The following GREB1L variants were observed in gnomAD, a reference collection of about 807,000 sequenced individuals.
GREB1L encodes GREB1 like retinoic acid receptor coactivator.
GREB1L carries 17 observed loss-of-function variants against 200.8 expected under a neutral mutation model. That is an observed-to-expected ratio of 0.08 (90% confidence interval 0.06 to 0.13). GREB1L has a LOEUF of 0.13. Ranked by LOEUF, GREB1L falls within the 10% of genes least tolerant of loss-of-function variation. The pLI, the probability that GREB1L is intolerant of heterozygous loss-of-function variation, is 1.00. For missense variants in GREB1L, 1,657 were observed against 2,367.7 expected (o/e 0.70, Z 6.23); for synonymous variants, 789 against 893.0 (o/e 0.88, Z 2.08).
At position 21,506,023 on chromosome 18, in the gene GREB1L, A is replaced by G. The variant is rs910408072; in HGVS notation, c.4368+74A>G. On this transcript the variant is annotated intron_variant, in intron 25 of 32. Transcript: ENST00000424526. ...GTATGTAAGGGTGGGGGGTGGAGGGATGAAAAATAAGGCCCCTAGTTTCAG... is the reference window on the plus strand; with the variant it reads ...GTATGTAAGGGTGGGGGGTGGAGGGGTGAAAAATAAGGCCCCTAGTTTCAG... 7.1e-6 allele frequency: 10 copies of G among 1,418,218 alleles called. No individual in the cohort carries two copies. The African/African-American group carries it at 1.4e-4, about 20-fold the overall frequency. The allele number at this position is 1,418,218 out of a possible 1,614,324, so 87.9% of individuals were successfully genotyped here. A position where few individuals can be genotyped will look rare whatever the true frequency, so the allele number is the denominator to read the frequency against.
At chr18:21,329,694 A>T (rs2039078191) in intron 1 of GREB1L, among the ~76,000 whole-genome samples, 1 of 152,062 alleles carries the variant, frequency 6.6e-6, no homozygotes, top group South Asian at 2.1e-4. Context: ...ATGCCTTATG[A>T]TGCAAAATAG....
At chr18:21,463,387 C>T (rs1207625735) in intron 15 of GREB1L, among the ~76,000 whole-genome samples, 4 of 151,864 alleles carry the variant, frequency 2.6e-5, no homozygotes, top group Admixed American at 6.6e-5. Flanking sequence ...CCTCATGATC[C>T]GCCCTCCTCG....
intron 15 of GREB1L, among the ~76,000 whole-genome samples, chr18:21,462,423 A>C (rs1048742316): frequency 1.3e-5 from 2 of 152,180 alleles, no homozygotes; most frequent in African/African-American, 4.8e-5. Flanking sequence ...AGCTAATGAA[A>C]AAGTTTATTT....
At chr18:21,243,588 G>C (rs1254252294) in intron 1 of GREB1L, among the ~76,000 whole-genome samples, 1 of 152,164 alleles carries the variant, frequency 6.6e-6, no homozygotes, top group African/African-American at 2.4e-5. Context: ...AAAGGTTTTT[G>C]AACTCAGTCC....
chr18:21,334,767 C>A (rs1403967891), intron 1 of GREB1L, among the ~76,000 whole-genome samples: 3 of 139,008 alleles, frequency 2.2e-5, no homozygotes, highest in Non-Finnish European at 3.0e-5. Context: ...AGTATGACCC[C>A]ATCTCAAAAA....
intron 2 of GREB1L, among the ~76,000 whole-genome samples, chr18:21,370,468 G>C (rs533946755): frequency 6.6e-6 from 1 of 152,324 alleles, no homozygotes; most frequent in East Asian, 1.9e-4. Flanking sequence ...TTATTTGTCT[G>C]AGAGTCATAC....
At chr18:21,461,258 A>G (rs190469518) in intron 15 of GREB1L, among the ~76,000 whole-genome samples, 60 of 151,960 alleles carry the variant, frequency 3.9e-4, no homozygotes, top group African/African-American at 1.4e-3. Flanking sequence ...TAGAGTTTCC[A>G]CCTTTGAGGA....
chr18:21,291,541 C>A (rs1342731627), intron 1 of GREB1L, among the ~76,000 whole-genome samples: 2 of 152,158 alleles, frequency 1.3e-5, no homozygotes, highest in Non-Finnish European at 2.9e-5. Context: ...CAGCCTGTGT[C>A]ATGTTTATCC....
Position 21,271,718 on chromosome 18 carries a change from G to A in GREB1L, c.-120+29325G>A, listed in dbSNP as rs573217895. 2.6e-5 allele frequency among the ~76,000 whole-genome samples: 4 copies of A among 152,000 alleles called. No homozygotes were observed. In the East Asian group the frequency reaches 7.7e-4, roughly 29 times the overall value. ...CAGAATGTAGCCCCCACTCATGCAG[G>A]TTGCTGTTTAAGTTAAGTAGAGGGG... On this transcript the variant is annotated intron_variant, in intron 1 of 32. Coordinates refer to ENST00000424526, the MANE Select transcript of GREB1L (RefSeq NM_001142966.3).
intron 1 of GREB1L, among the ~76,000 whole-genome samples, chr18:21,244,235 A>G (rs767942752): frequency 2.0e-5 from 3 of 152,166 alleles, no homozygotes; most frequent in African/African-American, 7.2e-5. Context: ...TGCAATCTTT[A>G]TTGAATTTTT....
intron 7 of GREB1L, among the ~76,000 whole-genome samples, chr18:21,426,375 G>A (rs2032578756): frequency 6.6e-6 from 1 of 152,064 alleles, no homozygotes; most frequent in Non-Finnish European, 1.5e-5. Flanking sequence ...ATTCTTGTAT[G>A]TGGTATGAGG....
intron 5 of GREB1L, 121 bp downstream of exon 5, chr18:21,395,682 T>C (rs2041026122): frequency 1.5e-6 from 1 of 681,950 alleles, no homozygotes. Context: ...TTATATAGTT[T>C]AGTTCAATTA....
chr18:21,459,578 C>T (rs536949574), intron 15 of GREB1L, among the ~76,000 whole-genome samples: 6 of 151,848 alleles, frequency 4.0e-5, no homozygotes, highest in East Asian at 3.9e-4. Context: ...TGAGCCACCG[C>T]GCATGGCCGG....
chr18:21,336,294 C>T (rs1274747337), intron 1 of GREB1L, among the ~76,000 whole-genome samples: 1 of 152,214 alleles, frequency 6.6e-6, no homozygotes, highest in Non-Finnish European at 1.5e-5. Context: ...AACTTTACTT[C>T]TTCACATCTG....
intron 1 of GREB1L, among the ~76,000 whole-genome samples, chr18:21,249,442 G>A (rs2037663126): frequency 6.6e-6 from 1 of 152,132 alleles, no homozygotes; most frequent in South Asian, 2.1e-4. Context: ...GCTTACTAGT[G>A]GTATCTGCCT....
chr18:21,366,350 C>A (rs946934982), intron 2 of GREB1L, among the ~76,000 whole-genome samples: 6 of 151,898 alleles, frequency 4.0e-5, no homozygotes, highest in Non-Finnish European at 7.4e-5. Flanking sequence ...TCTACAACAA[C>A]CCCTGTATTT....
intron 15 of GREB1L, among the ~76,000 whole-genome samples, chr18:21,472,585 A>G (rs2035525497): frequency 6.9e-6 from 1 of 143,940 alleles, no homozygotes; most frequent in Non-Finnish European, 1.5e-5. Flanking sequence ...CTTGAACATT[A>G]TATTGGTTTT....
At position 21,426,976 on chromosome 18, in the gene GREB1L, AAAAAAAAAAAAC is replaced by A. The variant is rs1399412489; in HGVS notation, c.833-12533_833-12522del. 1.5e-4 allele frequency among the ~76,000 whole-genome samples: 12 copies of A among 79,642 alleles called. 1 individual carries two copies. Among genetic ancestry groups the A allele is most frequent in the African/African-American group, 1.3e-3 (12 of 9,530 alleles). 52.2% of individuals were successfully genotyped at this position (79,642 alleles called of 152,430 possible). On this transcript the variant is annotated intron_variant, in intron 7 of 32. Coordinates refer to ENST00000424526, the MANE Select transcript of GREB1L (RefSeq NM_001142966.3). Reference sequence around the variant, plus strand: ...TACGTCTCAAAAAAAAAAAAAACAAAAAAAAAAAAAACAAAAAAAAAAAACTGTTTTGGCTAT... The same window carrying A: ...TACGTCTCAAAAAAAAAAAAAACAAAAAAAAAAAAAAACTGTTTTGGCTAT...
intron 1 of GREB1L, among the ~76,000 whole-genome samples, chr18:21,325,646 C>A (rs2039010910): frequency 6.6e-6 from 1 of 151,644 alleles, no homozygotes; most frequent in Non-Finnish European, 1.5e-5. Context: ...GAGACCCCAT[C>A]TCTACAAAAA....
Sources: gnomAD v4.1 joint callset for allele counts (sites outside exome capture counted in the v4.1 genomes callset) on GRCh38, gnomAD v4.1.1 for gene constraint, MANE v1.5 for transcripts, NCBI Gene and HGNC (gene_info 2026-07-23, HGNC 2026-07-21) for gene names.